Variants in RERE observed in about 807,000 individuals in gnomAD.
RERE encodes arginine-glutamic acid dipeptide repeats protein.
A neutral mutation model predicts 146.1 loss-of-function variants in RERE; 40 were observed. That is an observed-to-expected ratio of 0.27 (90% CI 0.21 to 0.36). RERE has a LOEUF of 0.36. RERE is among the 10% of genes least tolerant of loss of function. RERE has a pLI of 1.00. For missense variants in RERE, 1,933 were observed against 2,138.7 expected (o/e 0.90, Z 1.90); for synonymous variants, 1,003 against 866.0 (o/e 1.16, Z -2.78).
At chr1:8,708,952 G>A (rs1204340584) in intron 1 of RERE, among the ~76,000 whole-genome samples, 3 of 114,578 alleles carry the variant, frequency 2.6e-5, no homozygotes, top group Non-Finnish European at 3.3e-5. Flanking sequence ...TCACTCTGTC[G>A]CCCAGGTTGG....
At chr1:8,662,746 G>A (rs187982192) in intron 1 of RERE, among the ~76,000 whole-genome samples, 6 of 152,242 alleles carry the variant, frequency 3.9e-5, no homozygotes, top group Admixed American at 3.9e-4. Context: ...TTAAGCTTAA[G>A]GAAGGGGCCC....
At chr1:8,416,007 A>G (rs1643747764) in intron 12 of RERE, among the ~76,000 whole-genome samples, 1 of 152,222 alleles carries the variant, frequency 6.6e-6, no homozygotes, top group Non-Finnish European at 1.5e-5. Context: ...CAAATAACTT[A>G]TATTTCTTTT....
chr1:8,571,867 G>A (rs545654538), intron 4 of RERE, among the ~76,000 whole-genome samples: 2 of 152,150 alleles, frequency 1.3e-5, no homozygotes, highest in East Asian at 3.9e-4. Flanking sequence ...AGTCAAGTGT[G>A]AGCTGAGCTG....
chr1:8,469,701 C>T (rs1485763205), intron 10 of RERE, among the ~76,000 whole-genome samples: 3 of 152,130 alleles, frequency 2.0e-5, no homozygotes, highest in African/African-American at 7.2e-5. Flanking sequence ...AACATAAAGC[C>T]CACTCCAAAA....
chr1:8,539,785 A>G (rs931932509), intron 7 of RERE, among the ~76,000 whole-genome samples: 1 of 152,166 alleles, frequency 6.6e-6, no homozygotes, highest in African/African-American at 2.4e-5. Context: ...ACTATCTAGA[A>G]TCTAGCTTCT....
rs543348544 is a variant in RERE at position 8,654,839 on chromosome 1, G to A, written c.325+1134C>T. Among the ~76,000 whole-genome samples, 41 of 152,088 alleles carry A rather than the reference G, an allele frequency of 2.7e-4. 2 individuals carry two copies. Among genetic ancestry groups the A allele is most frequent in the Admixed American group, 1.2e-3 (19 of 15,276 alleles). On this transcript the variant is annotated intron_variant, in intron 2 of 22. Transcript: ENST00000400908. ...TTTGTAAAGATGGGGGTCTCACTACGTTGCCCAGGCTGGTCTTGAACTCCT... is the reference window on the plus strand; with the variant it reads ...TTTGTAAAGATGGGGGTCTCACTACATTGCCCAGGCTGGTCTTGAACTCCT...
chr1:8,688,847 T>C (rs1230532397), intron 1 of RERE, among the ~76,000 whole-genome samples: 3 of 152,358 alleles, frequency 2.0e-5, no homozygotes, highest in South Asian at 4.1e-4. Flanking sequence ...ATGTGTAACA[T>C]CGGCTAAGCT....
At position 8,360,875 on chromosome 1, in the gene RERE, C is replaced by A. The variant is rs1333791827; in HGVS notation, c.2632G>T (p.Ala878Ser). Residue 878 changes from alanine (A) to serine (S), a missense_variant, in exon 18 of 23, where the codon GCC becomes TCC. By Grantham distance (99) the Ala-to-Ser change is moderately conservative (BLOSUM62 1). Around this residue, in one of 11 missense-constraint regions of RERE, gnomAD observed 1,255 missense variants for 1,153.8 expected, o/e 1.09. Transcript: ENST00000400908. ...PPQPFGLPPQ[A>S]SQGQAPLGTS... ...CCCAGAGGGGCCTGGCCTTGGGAGG[C>A]CTGGGGAGGGAGGCCAAAGGGCTGT... is the stretch of plus-strand genomic sequence containing the variant. 4 of 1,522,862 alleles carry A rather than the reference C, an allele frequency of 2.6e-6. No individual in the cohort carries two copies. In the South Asian group the frequency reaches 3.6e-5, roughly 14 times the overall value. The allele number at this position is 1,522,862 out of a possible 1,614,324, so 94.3% of individuals were successfully genotyped here.
chr1:8,571,518 C>CA (rs1203937849), intron 4 of RERE, among the ~76,000 whole-genome samples: 1 of 152,152 alleles, frequency 6.6e-6, no homozygotes, highest in Non-Finnish European at 1.5e-5. Flanking sequence ...TACCAATAAA[C>CA]AAATTCAAAT....
chr1:8,771,957 T>C (rs527687577), intron 1 of RERE, among the ~76,000 whole-genome samples: 1 of 151,608 alleles, frequency 6.6e-6, no homozygotes, highest in East Asian at 1.9e-4. Flanking sequence ...TAAAATAGGT[T>C]TTTAGAGACT....
At chr1:8,652,213 C>A (rs1371702789) in intron 2 of RERE, among the ~76,000 whole-genome samples, 3 of 152,112 alleles carry the variant, frequency 2.0e-5, no homozygotes, top group Non-Finnish European at 4.4e-5. Flanking sequence ...CAAAAGGGTG[C>A]CTCACATGGA....
intron 11 of RERE, among the ~76,000 whole-genome samples, chr1:8,448,778 G>A (rs928493666): frequency 5.9e-5 from 9 of 151,702 alleles, no homozygotes; most frequent in African/African-American, 1.5e-4. Context: ...GCACTGAGCC[G>A]AGATCACGCC....
At chr1:8,471,870 G>C (rs1366140691) in intron 10 of RERE, among the ~76,000 whole-genome samples, 1 of 152,134 alleles carries the variant, frequency 6.6e-6, no homozygotes, top group Non-Finnish European at 1.5e-5. Flanking sequence ...GGAGTGCAAT[G>C]GCATGATCTC....
At chr1:8,773,641 C>T (rs773417422) in intron 1 of RERE, among the ~76,000 whole-genome samples, 6 of 152,248 alleles carry the variant, frequency 3.9e-5, no homozygotes, top group Admixed American at 2.6e-4. Context: ...CTGACCAACA[C>T]GGTGAAACCC....
intron 1 of RERE, among the ~76,000 whole-genome samples, chr1:8,694,876 A>G (rs1410887726): frequency 2.0e-5 from 3 of 151,700 alleles, no homozygotes; most frequent in Non-Finnish European, 4.4e-5. Flanking sequence ...TGCTATTCCT[A>G]TCAAACTACT....
At chr1:8,358,142 G>C in intron 20 of RERE, 54 bp downstream of exon 20, 1 of 1,539,034 alleles carries the variant, frequency 6.5e-7, no homozygotes, top group African/African-American at 1.4e-5. Flanking sequence ...TCACTCATCA[G>C]GCTCTGCACC....
chr1:8,786,674 AT>A, intron 1 of RERE: 6 of 785,626 alleles, frequency 7.6e-6, no homozygotes, highest in Non-Finnish European at 1.4e-5. Context: ...ACAAAGGCCA[AT>A]TTGGGTTCTG....
intron 1 of RERE, among the ~76,000 whole-genome samples, chr1:8,761,460 C>T (rs1156333590): frequency 6.6e-6 from 1 of 152,152 alleles, no homozygotes; most frequent in African/African-American, 2.4e-5. Context: ...CTCCTGTGTT[C>T]CCAATTTTTT....
chr1:8,731,695 A>G (rs1169050264), intron 1 of RERE, among the ~76,000 whole-genome samples: 1 of 148,534 alleles, frequency 6.7e-6, no homozygotes, highest in East Asian at 1.9e-4. Context: ...AAAAAACAAG[A>G]AAACTACAGG....
Sources: gnomAD v4.1 joint callset for allele counts (sites outside exome capture counted in the v4.1 genomes callset) on GRCh38, gnomAD v4.1.1 for gene constraint, gnomAD v4.1.1 regional missense constraint, MANE v1.5 for transcripts, NCBI Gene and HGNC (gene_info 2026-07-23, HGNC 2026-07-21) for gene names.